PKIB: variants seen among roughly 807,000 people sequenced by gnomAD.
PKIB encodes PKI-beta.
A neutral mutation model predicts 4.5 loss-of-function variants in PKIB; 2 were observed. That is an observed-to-expected ratio of 0.44 (90% CI 0.18 to 1.39). PKIB has a LOEUF of 1.39. PKIB is among the 40% of genes most tolerant of loss of function. PKIB has a pLI of 0.27. For missense variants in PKIB, 94 were observed against 92.6 expected, an observed-to-expected ratio of 1.02 and a Z score of -0.06; for synonymous variants, 38 against 36.0, an observed-to-expected ratio of 1.06 and a Z score of -0.20.
chr6:122,571,101 A>C (rs1773354079), intron 2 of PKIB, among the ~76,000 whole-genome samples: 1 of 152,208 alleles, frequency 6.6e-6, no homozygotes, highest in African/African-American at 2.4e-5. Flanking sequence ...GAGAAATACA[A>C]AATTTAGTGA....
intron 3 of PKIB, among the ~76,000 whole-genome samples, chr6:122,716,395 T>C (rs1779497058): frequency 6.6e-6 from 1 of 152,176 alleles, no homozygotes; most frequent in African/African-American, 2.4e-5. Context: ...TACAGTACTC[T>C]AAGATATCTA....
At chr6:122,719,716 TACACACACACACACACACACACACAC>T (rs202212013) in intron 4 of PKIB, among the ~76,000 whole-genome samples, 3,080 of 132,890 alleles carry the variant, frequency 0.023, 101 homozygotes, top group African/African-American at 0.068. Context: ...CCACCACACA[TACACACACACACACACACACACACAC>T]ACACACACAC....
intron 2 of PKIB, among the ~76,000 whole-genome samples, chr6:122,635,547 TAAA>T (rs79870623): frequency 2.4e-5 from 2 of 83,774 alleles, no homozygotes; most frequent in Non-Finnish European, 2.7e-5. Flanking sequence ...ACCAAAAAAG[TAAA>T]AAAAAAAAAA....
At chr6:122,620,120 G>A (rs888420922) in intron 1 of PKIB, among the ~76,000 whole-genome samples, 5 of 151,912 alleles carry the variant, frequency 3.3e-5, no homozygotes, top group African/African-American at 1.2e-4. Context: ...ACTCACTTCC[G>A]CTCCTTTGAG....
intron 1 of PKIB, among the ~76,000 whole-genome samples, chr6:122,612,866 A>T (rs1206925165): frequency 3.3e-5 from 5 of 152,178 alleles, no homozygotes; most frequent in African/African-American, 1.2e-4. Context: ...GGAACACTAT[A>T]GAGTAATTTT....
chr6:122,482,594 A>G (rs1330607561), intron 2 of PKIB: 2 of 120,134 alleles, frequency 1.7e-5, no homozygotes, highest in Admixed American at 1.2e-4. Flanking sequence ...TCTGTCACCC[A>G]GGCTGGAGTG....
chr6:122,541,448 G>C (rs1284218847), intron 2 of PKIB, among the ~76,000 whole-genome samples: 1 of 151,794 alleles, frequency 6.6e-6, no homozygotes, highest in African/African-American at 2.4e-5. Flanking sequence ...ATGAAGCTTA[G>C]TTTGGCTGGA....
intron 2 of PKIB, among the ~76,000 whole-genome samples, chr6:122,560,183 G>A (rs192280895): frequency 1.4e-4 from 21 of 152,020 alleles, no homozygotes; most frequent in South Asian, 1.2e-3. Context: ...TGGGTTTGTC[G>A]TAGATGGCTT....
At chr6:122,553,226 C>A (rs1380714546) in intron 2 of PKIB, among the ~76,000 whole-genome samples, 2 of 152,098 alleles carry the variant, frequency 1.3e-5, no homozygotes, top group East Asian at 1.9e-4. Flanking sequence ...CTGTATTCTG[C>A]TCCTAACCTC....
rs544169508 is a variant in PKIB at position 122,528,569 on chromosome 6, G to T, written c.-248+50630G>T. ...TCCTCACATGATAGAGAAAGAAGGA[G>T]CTCTAATATTTTCCTCTTCTTATAA... is the stretch of plus-strand genomic sequence containing the variant. On this transcript the variant is annotated intron_variant, in intron 2 of 6. Coordinates refer to the PKIB transcript ENST00000392491. 4.6e-5 allele frequency among the ~76,000 whole-genome samples: 7 copies of T among 152,272 alleles called. No individual in the cohort carries two copies. The East Asian group carries it at 1.4e-3, about 29-fold the overall frequency.
At chr6:122,690,392 T>C (rs1778281174) in intron 3 of PKIB, among the ~76,000 whole-genome samples, 1 of 152,078 alleles carries the variant, frequency 6.6e-6, no homozygotes, top group African/African-American at 2.4e-5. Flanking sequence ...TTACCTTCTA[T>C]TTTTTTGTGT....
intron 3 of PKIB, among the ~76,000 whole-genome samples, chr6:122,685,776 C>T (rs143429515): frequency 1.2e-3 from 175 of 152,142 alleles, no homozygotes; most frequent in Non-Finnish European, 2.2e-3. Flanking sequence ...ACCCATTAAC[C>T]ATCCTTTACT....
chr6:122,544,227 T>C (rs1312463115), intron 2 of PKIB, among the ~76,000 whole-genome samples: 1 of 151,944 alleles, frequency 6.6e-6, no homozygotes, highest in African/African-American at 2.4e-5. Context: ...AGATTAAACA[T>C]TGAAATTTAA....
intron 2 of PKIB, among the ~76,000 whole-genome samples, chr6:122,559,757 A>G (rs1772962053): frequency 6.6e-6 from 1 of 151,370 alleles, no homozygotes; most frequent in East Asian, 1.9e-4. Context: ...GAGGTCTTTG[A>G]CTCCTTGGTT....
At chr6:122,660,716 A>G (rs1776952261) in intron 2 of PKIB, among the ~76,000 whole-genome samples, 1 of 152,200 alleles carries the variant, frequency 6.6e-6, no homozygotes, top group Non-Finnish European at 1.5e-5. Context: ...GGATTAAGCT[A>G]AAATGATCAT....
intron 3 of PKIB, among the ~76,000 whole-genome samples, chr6:122,594,170 C>T (rs1774097562): frequency 6.6e-6 from 1 of 151,632 alleles, no homozygotes; most frequent in African/African-American, 2.4e-5. Context: ...GTCAATAAAT[C>T]TTATGTTACA....
intron 2 of PKIB, among the ~76,000 whole-genome samples, chr6:122,665,127 T>A (rs2114926276): frequency 6.6e-6 from 1 of 152,254 alleles, no homozygotes; most frequent in South Asian, 2.1e-4. Context: ...CTCATATACC[T>A]GGGTTAAAAA....
intron 2 of PKIB, among the ~76,000 whole-genome samples, chr6:122,560,031 A>T (rs910124950): frequency 6.6e-6 from 1 of 152,146 alleles, no homozygotes; most frequent in Admixed American, 6.5e-5. Flanking sequence ...GATGCCCTTT[A>T]TTTCTTTCTC....
At chr6:122,580,118 A>T (rs1773661907) in intron 2 of PKIB, among the ~76,000 whole-genome samples, 1 of 152,190 alleles carries the variant, frequency 6.6e-6, no homozygotes, top group African/African-American at 2.4e-5. Context: ...AGTTTGATAT[A>T]TAAAAGCATT....
Sources: allele counts gnomAD v4.1 joint callset (sites outside exome capture counted in the v4.1 genomes callset), GRCh38; gene constraint gnomAD v4.1.1; transcripts MANE v1.5; gene names NCBI Gene and HGNC (gene_info 2026-07-23, HGNC 2026-07-21).